TM9SF2: variants seen among roughly 807,000 people sequenced by gnomAD.
TM9SF2 encodes the protein transmembrane 9 superfamily member 2, also known as 76 kDa membrane protein.
In TM9SF2, 13 loss-of-function variants were observed where a neutral mutation model predicts 84.9. The observed-to-expected ratio is 0.15, with a 90% CI of 0.10 to 0.24. The LOEUF (loss-of-function observed/expected upper bound fraction) is 0.24, where lower values mean the gene tolerates loss of function less well. TM9SF2 is among the 10% of genes least tolerant of loss of function. TM9SF2 has a pLI of 1.00. For synonymous variants in TM9SF2, 273 were observed against 285.8 expected (o/e 0.96, Z 0.45); for missense variants, 562 against 818.5 (o/e 0.69, Z 3.82).
intron 1 of TM9SF2, among the ~76,000 whole-genome samples, 164 bp downstream of exon 1, chr13:99,501,941 C>T (rs1349363277): frequency 3.3e-5 from 5 of 152,144 alleles, no homozygotes; most frequent in African/African-American, 1.2e-4. Flanking sequence ...GGGTGGGGGG[C>T]TCTGAAACAG....
intron 3 of TM9SF2, among the ~76,000 whole-genome samples, chr13:99,524,336 G>T (rs1790902019): frequency 6.6e-6 from 1 of 152,136 alleles, no homozygotes; most frequent in Non-Finnish European, 1.5e-5. Context: ...GAATCTGGCT[G>T]TGTTTTGAAG....
At chr13:99,515,672 C>G (rs1182551505) in intron 1 of TM9SF2, among the ~76,000 whole-genome samples, 1 of 151,518 alleles carries the variant, frequency 6.6e-6, no homozygotes, top group Non-Finnish European at 1.5e-5. Flanking sequence ...GTGTCAGGCA[C>G]TATTTGGAGT....
At chr13:99,523,365 G>A (rs1187814107) in intron 3 of TM9SF2, among the ~76,000 whole-genome samples, 1 of 151,968 alleles carries the variant, frequency 6.6e-6, no homozygotes, top group Non-Finnish European at 1.5e-5. Context: ...TGCCCAGGCT[G>A]GTCTTGAACT....
intron 10 of TM9SF2, among the ~76,000 whole-genome samples, chr13:99,545,889 G>A (rs1459942376): frequency 2.0e-5 from 3 of 152,222 alleles, no homozygotes; most frequent in Admixed American, 2.0e-4. Flanking sequence ...AATCTTATTA[G>A]GAGCTGTCTT....
At chr13:99,534,880 T>A (rs185335304) in intron 4 of TM9SF2, among the ~76,000 whole-genome samples, 3 of 152,354 alleles carry the variant, frequency 2.0e-5, no homozygotes, top group Non-Finnish European at 4.4e-5. Flanking sequence ...CCAGGCGTGG[T>A]GGCTCACACC....
intron 13 of TM9SF2, among the ~76,000 whole-genome samples, chr13:99,553,759 T>C (rs1457957461): frequency 1.3e-5 from 2 of 152,196 alleles, no homozygotes; most frequent in Non-Finnish European, 2.9e-5. Context: ...TATACCGCCA[T>C]GTAGTGTGTC....
chr13:99,540,633 A>G (rs959037355), intron 7 of TM9SF2, 81 bp from the exon 8 acceptor site: 15 of 1,149,594 alleles, frequency 1.3e-5, no homozygotes, highest in Non-Finnish European at 1.9e-5. Flanking sequence ...ATGGAAGGAC[A>G]AGCTTTGAAT....
At chr13:99,543,531 ATG>A (rs1176045131) in intron 9 of TM9SF2, among the ~76,000 whole-genome samples, 1 of 152,252 alleles carries the variant, frequency 6.6e-6, no homozygotes, top group Non-Finnish European at 1.5e-5. Flanking sequence ...AGAGGATAGA[ATG>A]TGACTAAAAA....
chr13:99,506,007 AC>A (rs2046087368), intron 1 of TM9SF2, among the ~76,000 whole-genome samples: 1 of 152,096 alleles, frequency 6.6e-6, no homozygotes, highest in African/African-American at 2.4e-5. Flanking sequence ...GACCAATTAT[AC>A]CCCCTAGTGG....
intron 1 of TM9SF2, chr13:99,514,455 T>A (rs2046125738): frequency 6.6e-6 from 1 of 152,254 alleles, no homozygotes; most frequent in African/African-American, 2.4e-5. Flanking sequence ...AATCCCATGT[T>A]GTTTAAGTAT....
Position 99,539,479 on chromosome 13 carries a change from C to T in TM9SF2, c.750C>T (p.Cys250=), listed in dbSNP as rs1380956414. 3 of 1,613,714 alleles carry T rather than the reference C, an allele frequency of 1.9e-6. No homozygotes were observed. The highest frequency in any genetic ancestry group is 1.3e-5 in the African/African-American group (1 of 74,904). Residue 250 remains cysteine (C), a synonymous_variant, in exon 7 of 17, where the codon TGC becomes TGT. Transcript: ENST00000376387. ...ATACCCATATAGATAAACCAGACTGCTCAGGGCCCCCCATGGACATAAGTA... is the reference window on the plus strand; with the variant it reads ...ATACCCATATAGATAAACCAGACTGTTCAGGGCCCCCCATGGACATAAGTA... ...FKHTHIDKPD[C]SGPPMDISNK...
intron 6 of TM9SF2, 70 bp downstream of exon 6, chr13:99,537,933 G>T (rs779165260): frequency 4.0e-6 from 6 of 1,507,710 alleles, no homozygotes; most frequent in Non-Finnish European, 4.4e-6. Context: ...AGTATTTGGG[G>T]CTCAATTACT....
At chr13:99,555,205 C>T (rs996684104) in intron 14 of TM9SF2, among the ~76,000 whole-genome samples, 1 of 152,136 alleles carries the variant, frequency 6.6e-6, no homozygotes, top group African/African-American at 2.4e-5. Flanking sequence ...TGATAAGAAA[C>T]GGTTACCTAT....
intron 6 of TM9SF2, among the ~76,000 whole-genome samples, chr13:99,538,374 A>T (rs531311486): frequency 9.9e-5 from 15 of 151,868 alleles, no homozygotes; most frequent in East Asian, 5.8e-4. Context: ...TTTTTTTTTT[A>T]AATATTTCAT....
At chr13:99,520,436 A>G (rs1645174470) in intron 3 of TM9SF2, among the ~76,000 whole-genome samples, 1 of 152,216 alleles carries the variant, frequency 6.6e-6, no homozygotes, top group Admixed American at 6.5e-5. Context: ...CCTGGAACCC[A>G]GCTTCCAGTC....
At chr13:99,518,268 C>T (rs1215075171) in intron 2 of TM9SF2, among the ~76,000 whole-genome samples, 3 of 152,150 alleles carry the variant, frequency 2.0e-5, no homozygotes. Flanking sequence ...CATGCCACCA[C>T]GTCTGGCTAA....
chr13:99,516,623 AGT>A (rs2046135739), intron 1 of TM9SF2, among the ~76,000 whole-genome samples: 2 of 152,196 alleles, frequency 1.3e-5, no homozygotes, highest in Admixed American at 1.3e-4. Context: ...TCAGTAGGAA[AGT>A]GTAGCTTAAA....
intron 7 of TM9SF2, 73 bp from the exon 8 acceptor site, chr13:99,540,641 A>G: frequency 7.9e-7 from 1 of 1,264,048 alleles, no homozygotes; most frequent in South Asian, 1.3e-5. Context: ...ACAAGCTTTG[A>G]ATGGGATTTT....
intron 2 of TM9SF2, among the ~76,000 whole-genome samples, chr13:99,518,483 A>G (rs1409589418): frequency 6.6e-6 from 1 of 152,250 alleles, no homozygotes; most frequent in African/African-American, 2.4e-5. Flanking sequence ...ATGTCAATAC[A>G]TAGCTACCTC....
Sources: allele counts gnomAD v4.1 joint callset (sites outside exome capture counted in the v4.1 genomes callset), GRCh38; gene constraint gnomAD v4.1.1; transcripts MANE v1.5; gene names NCBI Gene and HGNC (gene_info 2026-07-23, HGNC 2026-07-21).